PKD1L1: variants seen among roughly 807,000 people sequenced by gnomAD.
The protein encoded by PKD1L1 is polycystin 1 like 1, transient receptor potential channel interacting, also known as polycystin-1-like protein 1.
A neutral mutation model predicts 323.4 loss-of-function variants in PKD1L1; 236 were observed. That is an observed-to-expected ratio of 0.73 (90% CI 0.66 to 0.81). The LOEUF (loss-of-function observed/expected upper bound fraction) is 0.81. PKD1L1 is among the 40% of genes least tolerant of loss of function. PKD1L1 has a pLI of 0.00. For missense variants in PKD1L1, 3,320 were observed against 3,508.0 expected (o/e 0.95, Z 1.35); for synonymous variants, 1,344 against 1,335.0 (o/e 1.01, Z -0.15).
At chr7:47,788,731 G>A (rs1170913105) in intron 56 of PKD1L1, among the ~76,000 whole-genome samples, 4 of 151,616 alleles carry the variant, frequency 2.6e-5, no homozygotes, top group African/African-American at 9.7e-5. Flanking sequence ...AAGTAGCTGG[G>A]AATACAGGTG....
rs17659868 is a variant in PKD1L1, at chr7:47,833,003, T to C, written c.6337+87A>G. On this transcript the variant is annotated intron_variant, in intron 41 of 56. Transcript: ENST00000289672. ...GAGTATTCAGTGACATTTGGCCCAA[T>C]TGTGACTCTGCTTGCCCTGCCTCTC... 0.18 allele frequency: 268,430 copies of C among 1,475,276 alleles called. 25,682 individuals carry two copies. The highest frequency in any genetic ancestry group is 0.24 in the East Asian group (10,289 of 42,062). The allele number at this position is 1,475,276 out of a possible 1,614,324, so 91.4% of individuals were successfully genotyped here.
At position 47,873,934 on chromosome 7, in the gene PKD1L1, G is replaced by A. The variant is rs1428879432; in HGVS notation, c.3861C>T (p.Pro1287=). 6.2e-7 allele frequency: 1 copy of A among 1,613,892 alleles called. No individual in the cohort carries two copies. Among genetic ancestry groups the A allele is most frequent in the African/African-American group, 1.3e-5 (1 of 74,892 alleles). Residue 1287 remains proline (P), a synonymous_variant, in exon 24 of 57, where the codon CCC becomes CCT. Coordinates refer to ENST00000289672, the MANE Select transcript of PKD1L1 (RefSeq NM_138295.5). The part of the protein sequence containing the change: ...QPCTVVVTVL[P]RYHGNDCLGE... ...CCAGACAGTCATTTCCATGGTAGCG[G>A]GGCAGCACAGTCACCACCACAGTGC...
At chr7:47,909,073 A>G (rs542352492) in intron 8 of PKD1L1, among the ~76,000 whole-genome samples, 4 of 152,316 alleles carry the variant, frequency 2.6e-5, no homozygotes, top group Admixed American at 2.0e-4. Flanking sequence ...GCTGAATAAA[A>G]GGTTATGTTT....
At position 47,905,328 on chromosome 7, in the gene PKD1L1, G is replaced by T. The variant is rs1207310005; in HGVS notation, c.1523-3C>A. 1.9e-6 allele frequency: 3 copies of T among 1,613,108 alleles called. No homozygotes were observed. The South Asian group carries it at 3.3e-5, about 18-fold the overall frequency. On this transcript the variant is annotated splice_region_variant and splice_polypyrimidine_tract_variant and intron_variant, in intron 10 of 56. Coordinates refer to ENST00000289672, the MANE Select transcript of PKD1L1 (RefSeq NM_138295.5). ...TCCATTTGTGTAGACAGAGACGGCT[G>T]TGGCAAAAGAAAGGAAGGTATGTCT...
intron 18 of PKD1L1, 37 bp downstream of exon 18, chr7:47,885,649 G>A: frequency 1.9e-6 from 3 of 1,580,358 alleles, no homozygotes; most frequent in South Asian, 2.4e-5. Context: ...TTGGTGCCTA[G>A]ACAAGAGGGA....
chr7:47,883,927 G>A (rs549398424), intron 19 of PKD1L1, among the ~76,000 whole-genome samples: 55 of 152,280 alleles, frequency 3.6e-4, no homozygotes, highest in Admixed American at 5.9e-4. Context: ...TCAAACATCT[G>A]TTCATTCGAT....
intron 24 of PKD1L1, among the ~76,000 whole-genome samples, chr7:47,868,401 C>A (rs1181220877): frequency 2.7e-5 from 4 of 150,348 alleles, no homozygotes; most frequent in Non-Finnish European, 4.4e-5. Context: ...AAAACAACAA[C>A]AAAAAAAACA....
intron 13 of PKD1L1, among the ~76,000 whole-genome samples, chr7:47,901,465 C>G (rs1787088142): frequency 6.6e-6 from 1 of 152,054 alleles, no homozygotes; most frequent in Non-Finnish European, 1.5e-5. Flanking sequence ...CATGTCCTAA[C>G]AGCAGAGTCA....
chr7:47,841,903 G>A (rs1418603237), intron 34 of PKD1L1, among the ~76,000 whole-genome samples: 1 of 152,162 alleles, frequency 6.6e-6, no homozygotes, highest in Non-Finnish European at 1.5e-5. Context: ...TTTCTTTAAT[G>A]TTATTAGTGC....
At chr7:47,896,037 T>C (rs1213943440) in intron 14 of PKD1L1, among the ~76,000 whole-genome samples, 6 of 152,206 alleles carry the variant, frequency 3.9e-5, no homozygotes, top group African/African-American at 1.4e-4. Flanking sequence ...TATCTTATTG[T>C]CATAAAGAGT....
chr7:47,827,235 C>T, intron 45 of PKD1L1, 115 bp downstream of exon 45: 5 of 932,268 alleles, frequency 5.4e-6, no homozygotes, highest in Non-Finnish European at 7.9e-6. Flanking sequence ...TCCCCACCTC[C>T]ACTCCCCACT....
intron 56 of PKD1L1, among the ~76,000 whole-genome samples, chr7:47,778,020 T>C (rs1786608201): frequency 6.6e-6 from 1 of 152,232 alleles, no homozygotes; most frequent in Admixed American, 6.5e-5. Context: ...CAGAGATGGA[T>C]GCTGGTAGCC....
intron 27 of PKD1L1, 132 bp downstream of exon 27, chr7:47,858,541 C>T: frequency 1.3e-6 from 1 of 743,578 alleles, no homozygotes; most frequent in Non-Finnish European, 2.2e-6. Flanking sequence ...ACCAAAATGC[C>T]ACCCAGAAGA....
At position 47,830,068 on chromosome 7, in the gene PKD1L1, C is replaced by G. The variant is rs202165216; in HGVS notation, c.6530G>C (p.Cys2177Ser). ...WLHLLSLSVV[C>S]CIFITQPLMV... ...AAGTGGCTGGGTGATGAAAATACAG[C>G]AGACCACGGAGAGGGACAGCAGGTG... The change falls in exon 43 of 57, where the codon TGC becomes TCC. Residue 2177 changes from cysteine to serine, a missense_variant. Physicochemically the swap from Cys to Ser is moderately radical, Grantham distance 112. Coordinates refer to ENST00000289672, the MANE Select transcript of PKD1L1 (RefSeq NM_138295.5). The G allele has an allele frequency of 6.2e-7, 1 of 1,614,204 alleles. No individual in the cohort carries two copies. Among genetic ancestry groups the G allele is most frequent in the African/African-American group, 1.3e-5 (1 of 75,066 alleles).
chr7:47,877,707 A>T (rs1786441058), intron 21 of PKD1L1, 76 bp from the exon 22 acceptor site: 1 of 1,516,760 alleles, frequency 6.6e-7, no homozygotes, highest in African/African-American at 1.4e-5. Flanking sequence ...TTTTATAGAT[A>T]AACCTTATAG....
the PKD1L1 span, among the ~76,000 whole-genome samples, chr7:47,959,665 G>A: frequency 1.6e-5 from 2 of 126,744 alleles, no homozygotes; most frequent in Admixed American, 7.9e-5. Flanking sequence ...GTCAGCCCCC[G>A]CCAGGCCAGC....
At chr7:47,936,986 G>A in intron 3 of PKD1L1, 28 bp from the exon 4 acceptor site, 1 of 1,532,374 alleles carries the variant, frequency 6.5e-7, no homozygotes, top group Non-Finnish European at 9.0e-7. Context: ...AAAATAATGT[G>A]AGAGAGCTGC....
At chr7:47,862,841 A>G (rs1285326515) in intron 26 of PKD1L1, among the ~76,000 whole-genome samples, 2 of 152,178 alleles carry the variant, frequency 1.3e-5, no homozygotes, top group Non-Finnish European at 2.9e-5. Context: ...CTGCAGGTGC[A>G]TAAGATGTTT....
At chr7:47,880,267 T>TAGATAGATAG (rs1786514922) in intron 21 of PKD1L1, among the ~76,000 whole-genome samples, 10 of 77,506 alleles carry the variant, frequency 1.3e-4, no homozygotes, top group African/African-American at 7.3e-4. Flanking sequence ...TATATATACA[T>TAGATAGATAG]ATATATATAT....
Sources: gnomAD v4.1 joint callset for allele counts (sites outside exome capture counted in the v4.1 genomes callset) on GRCh38, gnomAD v4.1.1 for gene constraint, MANE v1.5 for transcripts, NCBI Gene and HGNC (gene_info 2026-07-23, HGNC 2026-07-21) for gene names.